The following SOX6 variants were observed in gnomAD, a reference collection of about 807,000 sequenced individuals.
SOX6 encodes the protein SRY-box transcription factor 6.
Under a neutral mutation model 97.8 loss-of-function variants are expected in SOX6, and 11 were observed. That is an observed-to-expected ratio of 0.11 (90% CI 0.07 to 0.19). SOX6 has a LOEUF of 0.19. Ranked by LOEUF, SOX6 falls within the 10% of genes least tolerant of loss-of-function variation. The pLI is 1.00. For missense variants in SOX6, 810 were observed against 1,039.5 expected (o/e 0.78, Z 3.04); for synonymous variants, 360 against 371.4 (o/e 0.97, Z 0.35).
At chr11:16,666,371 T>G (rs1847806973) in intron 3 of SOX6, among the ~76,000 whole-genome samples, 3 of 152,036 alleles carry the variant, frequency 2.0e-5, no homozygotes, top group Admixed American at 2.0e-4. Flanking sequence ...AACAAAAGAT[T>G]GAAATAATTT....
chr11:16,332,225 G>C (rs1202061588), intron 2 of SOX6, among the ~76,000 whole-genome samples: 1 of 152,120 alleles, frequency 6.6e-6, no homozygotes, highest in South Asian at 2.1e-4. Flanking sequence ...AAAGCTTTCT[G>C]AATTCGTTCA....
chr11:16,065,718 G>A (rs902841707), intron 9 of SOX6, among the ~76,000 whole-genome samples: 1 of 152,108 alleles, frequency 6.6e-6, no homozygotes, highest in African/African-American at 2.4e-5. Context: ...GCAGAAGAAT[G>A]AAACTAGACC....
At chr11:16,380,031 A>G (rs1857764445) in intron 1 of SOX6, among the ~76,000 whole-genome samples, 1 of 152,004 alleles carries the variant, frequency 6.6e-6, no homozygotes, top group East Asian at 1.9e-4. Context: ...AAATATACAT[A>G]TATGCATATT....
Position 16,147,980 on chromosome 11 carries a change from C to G in SOX6, c.777+35906G>C, listed in dbSNP as rs73418914. On this transcript the variant is annotated intron_variant, in intron 6 of 15. Coordinates refer to ENST00000683767, the MANE Select transcript of SOX6 (RefSeq NM_001367873.1). ...AAGGAGATTAACCATTGCTTCATAA[C>G]TACTTTGTCAAAGCATCTTTTTATA... is the stretch of plus-strand genomic sequence containing the variant. Among the ~76,000 whole-genome samples, 675 of 152,288 alleles carry G rather than the reference C, an allele frequency of 4.4e-3. 6 individuals carry two copies. The highest frequency in any genetic ancestry group is 0.015 in the African/African-American group (641 of 41,574).
chr11:16,072,638 T>C (rs1375030590), intron 9 of SOX6, among the ~76,000 whole-genome samples: 1 of 152,048 alleles, frequency 6.6e-6, no homozygotes, highest in Non-Finnish European at 1.5e-5. Flanking sequence ...CCCTAAGACA[T>C]ACAGTCATCA....
At chr11:16,010,843 A>G (rs1490074629) in intron 13 of SOX6, among the ~76,000 whole-genome samples, 2 of 151,090 alleles carry the variant, frequency 1.3e-5, no homozygotes, top group Non-Finnish European at 3.0e-5. Context: ...TTACTTCTCT[A>G]AAAAAAAACC....
At chr11:16,509,934 T>C (rs1277882479) in intron 4 of SOX6, among the ~76,000 whole-genome samples, 1 of 152,086 alleles carries the variant, frequency 6.6e-6, no homozygotes, top group Non-Finnish European at 1.5e-5. Context: ...TACTGGACAT[T>C]TCATTTTAAT....
intron 12 of SOX6, among the ~76,000 whole-genome samples, chr11:16,037,205 T>TA (rs1458158778): frequency 6.6e-6 from 1 of 152,332 alleles, no homozygotes; most frequent in Non-Finnish European, 1.5e-5. Context: ...CTCAGATATT[T>TA]AAAAAATGTT....
intron 3 of SOX6, among the ~76,000 whole-genome samples, chr11:16,612,610 A>C (rs530658444): frequency 9.2e-5 from 14 of 151,986 alleles, no homozygotes; most frequent in Non-Finnish European, 1.9e-4. Flanking sequence ...GGGGATGGCG[A>C]TGAAGAAAAG....
intron 2 of SOX6, among the ~76,000 whole-genome samples, chr11:16,719,402 G>A (rs1326399318): frequency 6.6e-6 from 1 of 152,094 alleles, no homozygotes; most frequent in Non-Finnish European, 1.5e-5. Flanking sequence ...CACTCATTTA[G>A]AATCAGATAA....
chr11:16,197,544 C>CTA (rs1295874906), intron 4 of SOX6, among the ~76,000 whole-genome samples: 3 of 152,148 alleles, frequency 2.0e-5, no homozygotes, highest in African/African-American at 7.2e-5. Context: ...CATATTGATT[C>CTA]TAAAAACTGC....
In SOX6 at chr11:16,170,379, T is replaced by C. The variant is rs1335105984; in HGVS notation, c.777+13507A>G. On this transcript the variant is annotated intron_variant, in intron 6 of 15. Transcript: ENST00000683767. ...TACTTAGTCTTAAAAAAAAAAAACC[T>C]TTCTATCATTCATTTTTTTCAGAAT... Among the ~76,000 whole-genome samples the C allele has an allele frequency of 2.6e-5, 4 of 152,010 alleles. No individual in the cohort carries two copies. The East Asian group carries it at 7.7e-4, about 29-fold the overall frequency.
At chr11:16,224,820 TG>T (rs1565031121) in intron 4 of SOX6, among the ~76,000 whole-genome samples, 1 of 152,066 alleles carries the variant, frequency 6.6e-6, no homozygotes, top group Non-Finnish European at 1.5e-5. Context: ...CATGCTATTT[TG>T]GGGGAATATT....
intron 4 of SOX6, among the ~76,000 whole-genome samples, chr11:16,603,142 A>G (rs890184422): frequency 6.6e-6 from 1 of 152,248 alleles, no homozygotes; most frequent in East Asian, 1.9e-4. Flanking sequence ...GGTATCAGAC[A>G]TATCTGAGTG....
chr11:16,195,302 A>G (rs969855541), intron 4 of SOX6, among the ~76,000 whole-genome samples: 2 of 152,218 alleles, frequency 1.3e-5, no homozygotes, highest in African/African-American at 4.8e-5. Flanking sequence ...TTGAATTCAC[A>G]TCTTCTGATT....
rs146880674 is a variant in SOX6 at position 16,241,992 on chromosome 11, T to C, written c.446-7321A>G. Among the ~76,000 whole-genome samples, 144 of 152,176 alleles carry C rather than the reference T, an allele frequency of 9.5e-4. 2 individuals are homozygous for C. The East Asian group carries it at 0.013, about 14-fold the overall frequency. Reference sequence around the variant, plus strand: ...TTCCTATTAATTTGAGTTGGGTTTCTGCAAGTTGCAACTTAAAAAAATCTA... The same window carrying C: ...TTCCTATTAATTTGAGTTGGGTTTCCGCAAGTTGCAACTTAAAAAAATCTA... On this transcript the variant is annotated intron_variant, in intron 3 of 15. Transcript: ENST00000683767.
At chr11:16,077,785 A>G (rs975980143) in intron 9 of SOX6, among the ~76,000 whole-genome samples, 3 of 152,204 alleles carry the variant, frequency 2.0e-5, no homozygotes, top group African/African-American at 7.2e-5. Context: ...AGAAGGGAAC[A>G]ACAGACACTG....
At chr11:16,713,867 T>C (rs565335070) in intron 3 of SOX6, among the ~76,000 whole-genome samples, 54 of 152,248 alleles carry the variant, frequency 3.5e-4, no homozygotes, top group Non-Finnish European at 7.3e-4. Context: ...GGAGAACCAA[T>C]GGAGAAAACT....
intron 4 of SOX6, among the ~76,000 whole-genome samples, chr11:16,542,787 C>A (rs1289729579): frequency 6.6e-6 from 1 of 152,096 alleles, no homozygotes; most frequent in Non-Finnish European, 1.5e-5. Flanking sequence ...TTCTTAAGCA[C>A]CCCCAATGCT....
Sources: gnomAD v4.1 joint callset for allele counts (sites outside exome capture counted in the v4.1 genomes callset) on GRCh38, gnomAD v4.1.1 for gene constraint, MANE v1.5 for transcripts, NCBI Gene and HGNC (gene_info 2026-07-23, HGNC 2026-07-21) for gene names.